ADGRL3: variants seen among roughly 807,000 people sequenced by gnomAD.
The protein encoded by ADGRL3 is calcium-independent alpha-latrotoxin receptor 3.
Under a neutral mutation model 153.5 loss-of-function variants are expected in ADGRL3, and 62 were observed. The ratio of observed to expected loss-of-function variants is 0.40; its 90% CI spans 0.33 to 0.50. The LOEUF is 0.50. Ranked by LOEUF, ADGRL3 falls within the 20% of genes least tolerant of loss-of-function variation. The pLI is 0.47. For missense variants in ADGRL3, 1,641 were observed against 1,859.4 expected (o/e 0.88, Z 2.16); for synonymous variants, 710 against 672.5 (o/e 1.06, Z -0.86).
chr4:61,323,395 A>G (rs1208769298), intron 1 of ADGRL3, among the ~76,000 whole-genome samples: 5 of 112,690 alleles, frequency 4.4e-5, no homozygotes, highest in Non-Finnish European at 1.1e-4. Context: ...TCCTCAAAAT[A>G]TGGATTTTTT....
chr4:61,285,738 T>C (rs1321623433), intron 1 of ADGRL3, among the ~76,000 whole-genome samples: 1 of 151,838 alleles, frequency 6.6e-6, no homozygotes, highest in African/African-American at 2.4e-5. Flanking sequence ...GTCCTTTTGG[T>C]GCTCTCCTTA....
At chr4:61,839,592 GTT>G (rs977819055) in intron 9 of ADGRL3, among the ~76,000 whole-genome samples, 1 of 148,564 alleles carries the variant, frequency 6.7e-6, no homozygotes, top group Non-Finnish European at 1.5e-5. Context: ...AATTTGGCAG[GTT>G]TTTTTTTTCT....
At chr4:61,840,732 A>G (rs2098017578) in intron 9 of ADGRL3, among the ~76,000 whole-genome samples, 1 of 152,210 alleles carries the variant, frequency 6.6e-6, no homozygotes, top group African/African-American at 2.4e-5. Context: ...AGAAGCAGGA[A>G]TAGGTAGCCT....
At chr4:61,511,051 C>T (rs72636183) in intron 3 of ADGRL3, among the ~76,000 whole-genome samples, 5,646 of 152,090 alleles carry the variant, frequency 0.037, 136 homozygotes, top group South Asian at 0.063. Flanking sequence ...ATGTTCTTGA[C>T]TTGGCTCTTA....
intron 6 of ADGRL3, among the ~76,000 whole-genome samples, chr4:61,701,821 A>G (rs1326724990): frequency 6.6e-6 from 1 of 152,054 alleles, no homozygotes; most frequent in Non-Finnish European, 1.5e-5. Flanking sequence ...ATTTGAAGAT[A>G]TTTTTTACAA....
intron 9 of ADGRL3, among the ~76,000 whole-genome samples, chr4:61,872,841 A>G (rs1227430606): frequency 6.6e-6 from 1 of 152,150 alleles, no homozygotes; most frequent in Non-Finnish European, 1.5e-5. Context: ...TTGGTTTGAA[A>G]TTATTATTTA....
At chr4:61,746,581 A>G (rs1345296963) in intron 8 of ADGRL3, among the ~76,000 whole-genome samples, 1 of 152,206 alleles carries the variant, frequency 6.6e-6, no homozygotes, top group African/African-American at 2.4e-5. Flanking sequence ...CTACATGGAA[A>G]CTGAACAACC....
chr4:61,730,020 T>C (rs2096412679), intron 6 of ADGRL3, among the ~76,000 whole-genome samples: 1 of 151,978 alleles, frequency 6.6e-6, no homozygotes, highest in Non-Finnish European at 1.5e-5. Flanking sequence ...GAGAAAACTT[T>C]CTTCAATAAG....
intron 9 of ADGRL3, among the ~76,000 whole-genome samples, chr4:61,822,051 C>T (rs559113617): frequency 3.3e-5 from 5 of 152,244 alleles, no homozygotes; most frequent in South Asian, 2.1e-4. Context: ...TAATATTCTA[C>T]GATGATGCTT....
intron 25 of ADGRL3, chr4:62,063,495 G>A (rs1322701247): frequency 3.0e-6 from 2 of 666,710 alleles, no homozygotes; most frequent in Admixed American, 2.2e-5. Context: ...TTTCTATGGG[G>A]CTGCTCCAGG....
intron 9 of ADGRL3, among the ~76,000 whole-genome samples, chr4:61,824,091 T>C (rs1195172899): frequency 2.0e-5 from 3 of 152,080 alleles, no homozygotes; most frequent in Non-Finnish European, 2.9e-5. Context: ...AATGAAACAT[T>C]ATCAGCAAGG....
intron 5 of ADGRL3, among the ~76,000 whole-genome samples, chr4:61,633,206 G>A: frequency 7.0e-6 from 1 of 142,090 alleles, no homozygotes; most frequent in Non-Finnish European, 1.5e-5. Flanking sequence ...GGTGTAACTT[G>A]ATAAAACTGT....
At chr4:61,478,663 A>G (rs75432559) in intron 2 of ADGRL3, among the ~76,000 whole-genome samples, 4,758 of 152,152 alleles carry the variant, frequency 0.031, 262 homozygotes, top group African/African-American at 0.11. Flanking sequence ...TATGAAATAA[A>G]GGGGATCATT....
In ADGRL3 at chr4:61,972,530, T is replaced by G. The variant is rs545588508; in HGVS notation, c.2806-7033T>G. Among the ~76,000 whole-genome samples, 8 of 152,328 alleles carry G rather than the reference T, an allele frequency of 5.3e-5. No homozygotes were observed. In the East Asian group the frequency reaches 1.4e-3, roughly 26 times the overall value. ...CCATTGATCTAAATCTCTGTTTTGG[T>G]AGCTGTACCATGCTGTTTTGGTTAC... is the stretch of plus-strand genomic sequence containing the variant. On this transcript the variant is annotated intron_variant, in intron 17 of 26. Transcript: ENST00000683033.
Position 62,070,953 on chromosome 4 carries a change from T to C in ADGRL3, c.*45T>C. The stretch of plus-strand genomic sequence containing the variant: ...AACCAACAAAACTGCTAACACCTTG[T>C]TGACTGTTCTGAGTTGATATAAGCA... On this transcript the variant is annotated 3_prime_UTR_variant, in exon 27 of 27. Coordinates refer to ENST00000683033, the MANE Select transcript of ADGRL3 (RefSeq NM_001387552.1). The C allele has an allele frequency of 6.9e-7, 1 of 1,454,132 alleles. No homozygotes were observed. Among genetic ancestry groups the C allele is most frequent in the Non-Finnish European group, 9.3e-7 (1 of 1,078,386 alleles). 90.1% of individuals were successfully genotyped at this position (1,454,132 alleles called of 1,614,324 possible). A position where few individuals can be genotyped will look rare whatever the true frequency, so the allele number is the denominator to read the frequency against.
Position 61,938,757 on chromosome 4 carries a change from G to A in ADGRL3, c.2419+2712G>A, listed in dbSNP as rs149309212. On this transcript the variant is annotated intron_variant, in intron 15 of 26. Transcript: ENST00000683033. ...CGGAAGTGCCCAGAGCAACGTCTCC[G>A]CAATAAGCTAGGAAAGCAAATATAT... Among the ~76,000 whole-genome samples the A allele has an allele frequency of 1.3e-4, 19 of 141,782 alleles. No homozygotes were observed. The East Asian group carries it at 3.7e-3, about 28-fold the overall frequency. The allele number at this position is 141,782 out of a possible 152,430, so 93.0% of individuals were successfully genotyped here.
chr4:61,291,772 G>T (rs540107503), intron 1 of ADGRL3, among the ~76,000 whole-genome samples: 1 of 149,854 alleles, frequency 6.7e-6, no homozygotes, highest in East Asian at 2.0e-4. Context: ...AAAAACTGCT[G>T]TTGAGACAGA....
chr4:61,782,996 G>T (rs1001427099), intron 8 of ADGRL3, among the ~76,000 whole-genome samples: 1 of 152,116 alleles, frequency 6.6e-6, no homozygotes, highest in African/African-American at 2.4e-5. Context: ...AAGAACTCTT[G>T]ATTTTGATAA....
Position 61,924,643 on chromosome 4 carries a change from A to G in ADGRL3, c.2113-10197A>G, listed in dbSNP as rs184427995. 1.4e-4 allele frequency among the ~76,000 whole-genome samples: 21 copies of G among 152,252 alleles called. No individual in the cohort carries two copies. The East Asian group carries it at 2.3e-3, about 17-fold the overall frequency. On this transcript the variant is annotated intron_variant, in intron 13 of 26. Coordinates refer to ENST00000683033, the MANE Select transcript of ADGRL3 (RefSeq NM_001387552.1). ...TTTCCTTTCACTTTACTCCAAACAC[A>G]TGCCGTTTTAAGGTTTTGGACCATG...
Sources: allele counts gnomAD v4.1 joint callset (sites outside exome capture counted in the v4.1 genomes callset), GRCh38; gene constraint gnomAD v4.1.1; transcripts MANE v1.5; gene names NCBI Gene and HGNC (gene_info 2026-07-23, HGNC 2026-07-21).